The following SLC6A5 variants were observed in gnomAD, a reference collection of about 807,000 sequenced individuals.
SLC6A5 encodes the protein sodium- and chloride-dependent glycine transporter 2.
In SLC6A5, 58 loss-of-function variants were observed where a neutral mutation model predicts 90.5. That is an observed-to-expected ratio of 0.64 (90% CI 0.52 to 0.80). The LOEUF (loss-of-function observed/expected upper bound fraction) is 0.80, where lower values mean the gene tolerates loss of function less well. Ranked by LOEUF, SLC6A5 falls within the 30% of genes least tolerant of loss-of-function variation. The probability of loss-of-function intolerance (pLI) is 0.00; values close to 1 mark genes in which losing one functional copy is unlikely to be tolerated. For synonymous variants in SLC6A5, 427 were observed against 401.4 expected, an observed-to-expected ratio of 1.06 and a Z score of -0.76; for missense variants, 1,015 against 1,017.6, an observed-to-expected ratio of 1.00 and a Z score of 0.03.
chr11:20,606,911 C>T, intron 3 of SLC6A5, 96 bp from the exon 4 acceptor site: 1 of 1,515,876 alleles, frequency 6.6e-7, no homozygotes, highest in South Asian at 1.1e-5. Flanking sequence ...TCCTTTAGTT[C>T]TTTGAGAGGG....
intron 13 of SLC6A5, among the ~76,000 whole-genome samples, chr11:20,642,878 C>T (rs146037914): frequency 6.6e-5 from 10 of 152,274 alleles, no homozygotes; most frequent in African/African-American, 2.4e-4. Context: ...AATGTCTTTC[C>T]GGGGTCCAAA....
In SLC6A5 at chr11:20,657,688, A is replaced by T. The variant is rs1853653995; in HGVS notation, c.*2820A>T. Reference sequence around the variant, plus strand: ...ATTGGTTCACTGTGTAGAATGGTGGAGCATTTTCCACTTGTGAGATTATTT... The same window carrying T: ...ATTGGTTCACTGTGTAGAATGGTGGTGCATTTTCCACTTGTGAGATTATTT... On this transcript the variant is annotated 3_prime_UTR_variant, in exon 16 of 16. Coordinates refer to ENST00000525748, the MANE Select transcript of SLC6A5 (RefSeq NM_004211.5). 6.6e-6 allele frequency: 1 copy of T among 152,112 alleles called. No individual in the cohort carries two copies. The allele number at this position is 152,112 out of a possible 1,614,324, so 9.4% of individuals were successfully genotyped here.
intron 6 of SLC6A5, among the ~76,000 whole-genome samples, chr11:20,615,363 T>C (rs1469399126): frequency 6.6e-6 from 1 of 152,168 alleles, no homozygotes; most frequent in Non-Finnish European, 1.5e-5. Context: ...TTTTTTCTTT[T>C]CTTTCTTTCC....
At chr11:20,616,811 G>T (rs904838246) in intron 6 of SLC6A5, among the ~76,000 whole-genome samples, 5 of 152,200 alleles carry the variant, frequency 3.3e-5, no homozygotes, top group African/African-American at 1.2e-4. Context: ...CTAGCCAGCT[G>T]GACCAGGAGT....
Position 20,658,068 on chromosome 11 carries a change from A to T in SLC6A5, c.*3200A>T, listed in dbSNP as rs1853658838. The T allele has an allele frequency of 6.6e-6, 1 of 152,218 alleles. No individual in the cohort carries two copies. The highest frequency in any genetic ancestry group is 2.1e-4 in the South Asian group (1 of 4,830). 9.4% of individuals were successfully genotyped at this position (152,218 alleles called of 1,614,324 possible). On this transcript the variant is annotated 3_prime_UTR_variant, in exon 16 of 16. Coordinates refer to ENST00000525748, the MANE Select transcript of SLC6A5 (RefSeq NM_004211.5). ...GTATTTCAGTAAGCAGCACTTTAAA[A>T]AGAGTTTAACATGATGACCTTTAAA...
In SLC6A5 at chr11:20,628,012, CT is replaced by C. The variant is rs1434293607; in HGVS notation, c.1429del (p.Ser477LeufsTer9). ...WKDAATQIFF[S>X]LSAAWGGLIT... ...AAGATGCTGCCACTCAGATTTTCTT[CT>C]CTTTATCTGCTGCATGGGGAGGCCT... On this transcript the variant is annotated frameshift_variant, in exon 9 of 16. Coordinates refer to ENST00000525748, the MANE Select transcript of SLC6A5 (RefSeq NM_004211.5). LOFTEE classifies it high-confidence loss of function. The C allele has an allele frequency of 1.9e-6, 3 of 1,614,152 alleles. No homozygotes were observed. Among genetic ancestry groups the C allele is most frequent in the East Asian group, 2.2e-5 (1 of 44,882 alleles).
rs984641961 is a variant in SLC6A5, at chr11:20,656,076, G to A, written c.*1208G>A. On this transcript the variant is annotated 3_prime_UTR_variant, in exon 16 of 16. Transcript: ENST00000525748. ...CTACATTTAGCCAATTCAATTTTAAGAGTTCCCTATTCACAGTACTCATTT... is the reference window on the plus strand; with the variant it reads ...CTACATTTAGCCAATTCAATTTTAAAAGTTCCCTATTCACAGTACTCATTT... The A allele has an allele frequency of 6.6e-6, 1 of 152,200 alleles. No homozygotes were observed. The highest frequency in any genetic ancestry group is 2.4e-5 in the African/African-American group (1 of 41,462). The allele number at this position is 152,200 out of a possible 1,614,324, so 9.4% of individuals were successfully genotyped here. A position where few individuals can be genotyped will look rare whatever the true frequency, so the allele number is the denominator to read the frequency against.
In SLC6A5 at chr11:20,607,038, G is replaced by C. The variant is rs1357023716; in HGVS notation, c.711G>C (p.Leu237=). Residue 237 remains leucine (L), a synonymous_variant, in exon 4 of 16, where the codon CTG becomes CTC. Transcript: ENST00000525748. ...GAFLIPYLMM[L]ALAGLPIFFL... is the part of the protein sequence containing the mutation. The stretch of plus-strand genomic sequence containing the variant: ...TCCTCATCCCTTACCTGATGATGCT[G>C]GCTCTGGCTGGATTACCCATCTTCT... 6.2e-7 allele frequency: 1 copy of C among 1,613,928 alleles called. No individual in the cohort carries two copies. Among genetic ancestry groups the C allele is most frequent in the Non-Finnish European group, 8.5e-7 (1 of 1,180,028 alleles).
At position 20,655,049 on chromosome 11, in the gene SLC6A5, A is replaced by G. The variant is rs1458889679; in HGVS notation, c.*181A>G. ...GTGTCGCATGCTGCAGTAAAGAGCT[A>G]CATAGACCACCTGAAGCGCTGTTTG... On this transcript the variant is annotated 3_prime_UTR_variant, in exon 16 of 16. Coordinates refer to ENST00000525748, the MANE Select transcript of SLC6A5 (RefSeq NM_004211.5). 71 of 701,478 alleles carry G rather than the reference A, an allele frequency of 1.0e-4. No homozygotes were observed. In the East Asian group the frequency reaches 1.5e-3, roughly 15 times the overall value. 43.5% of individuals were successfully genotyped at this position (701,478 alleles called of 1,614,324 possible).
chr11:20,647,254 T>C (rs950161530), intron 14 of SLC6A5, among the ~76,000 whole-genome samples: 10 of 135,476 alleles, frequency 7.4e-5, no homozygotes, highest in African/African-American at 2.6e-4. Context: ...TATATATCAG[T>C]TCCTATATAT....
chr11:20,616,762 T>C (rs1852790239), intron 6 of SLC6A5, among the ~76,000 whole-genome samples: 1 of 152,208 alleles, frequency 6.6e-6, no homozygotes, highest in Non-Finnish European at 1.5e-5. Context: ...ATCACTGTTA[T>C]GAAAAGCATG....
At chr11:20,628,636 GAC>G (rs1489679943) in intron 9 of SLC6A5, among the ~76,000 whole-genome samples, 4 of 152,208 alleles carry the variant, frequency 2.6e-5, no homozygotes, top group Non-Finnish European at 4.4e-5. Context: ...GTGGTAGGAA[GAC>G]ACAATTCAGT....
At chr11:20,618,304 C>G (rs1475643860) in intron 7 of SLC6A5, among the ~76,000 whole-genome samples, 1 of 152,186 alleles carries the variant, frequency 6.6e-6, no homozygotes, top group African/African-American at 2.4e-5. Flanking sequence ...AAGAAGCTGG[C>G]TGAAGATCAA....
At chr11:20,645,034 A>G (rs1853385035) in intron 13 of SLC6A5, among the ~76,000 whole-genome samples, 1 of 151,774 alleles carries the variant, frequency 6.6e-6, no homozygotes. Context: ...GCTGATCTCG[A>G]ACTCCTGGCC....
At chr11:20,641,807 G>A (rs897055002) in intron 13 of SLC6A5, among the ~76,000 whole-genome samples, 2 of 152,054 alleles carry the variant, frequency 1.3e-5, no homozygotes, top group Non-Finnish European at 2.9e-5. Context: ...CATGGAACTT[G>A]CCAACTAGCT....
intron 13 of SLC6A5, among the ~76,000 whole-genome samples, chr11:20,641,652 G>C (rs1260486044): frequency 6.6e-6 from 1 of 152,106 alleles, no homozygotes; most frequent in African/African-American, 2.4e-5. Context: ...TCAGGGTGTA[G>C]TGTTCCCTAG....
chr11:20,614,778 A>G lies in SLC6A5; in HGVS notation c.1085A>G (p.Gln362Arg), dbSNP rs764757803. ...GTGACAATGGTTAATTTCACCAGCC[A>G]GGCCAATAAGACATTTGTCAGTGGA... ...PNVTMVNFTS[Q>R]ANKTFVSGSE... The change falls in exon 6 of 16, where the codon CAG (glutamine) becomes CGG (arginine). Residue 362 changes from glutamine (Q) to arginine (R), a missense_variant. By Grantham distance (43) the Gln-to-Arg change is conservative (BLOSUM62 1). Transcript: ENST00000525748. 1 of 1,614,090 alleles carries G rather than the reference A, an allele frequency of 6.2e-7. No individual in the cohort carries two copies. Among genetic ancestry groups the G allele is most frequent in the South Asian group, 1.1e-5 (1 of 91,088 alleles).
rs1334579633 is a variant in SLC6A5, at chr11:20,627,989, G to A, written c.1405G>A (p.Asp469Asn). Residue 469 changes from aspartate (D) to asparagine (N), a missense_variant, in exon 9 of 16, where the codon GAT (aspartate) becomes AAT (asparagine). Physicochemically the swap from Asp to Asn is conservative, Grantham distance 23. Transcript: ENST00000525748. The stretch of plus-strand genomic sequence containing the variant: ...CCCTTTTGCCTCTCAGGTGTGGAAA[G>A]ATGCTGCCACTCAGATTTTCTTCTC... ...EKLTDATVWK[D>N]AATQIFFSLS... The A allele has an allele frequency of 9.9e-6, 16 of 1,614,012 alleles. No individual in the cohort carries two copies. The highest frequency in any genetic ancestry group is 1.3e-5 in the African/African-American group (1 of 75,040).
At chr11:20,609,157 C>A (rs940227700) in intron 5 of SLC6A5, among the ~76,000 whole-genome samples, 11 of 152,162 alleles carry the variant, frequency 7.2e-5, no homozygotes, top group African/African-American at 2.7e-4. Context: ...TGGTACAAAC[C>A]ATTAAAATGA....
Sources: allele counts gnomAD v4.1 joint callset (sites outside exome capture counted in the v4.1 genomes callset), GRCh38; gene constraint gnomAD v4.1.1; transcripts MANE v1.5; gene names NCBI Gene and HGNC (gene_info 2026-07-23, HGNC 2026-07-21).